Variants in PLCB1 observed in about 807,000 individuals in gnomAD.
PLCB1 encodes 1-phosphatidylinositol 4,5-bisphosphate phosphodiesterase beta-1.
A neutral mutation model predicts 161.8 loss-of-function variants in PLCB1; 46 were observed. The observed-to-expected ratio is 0.28, with a 90% confidence interval of 0.22 to 0.36. The LOEUF (loss-of-function observed/expected upper bound fraction) is 0.36, where lower values mean the gene tolerates loss of function less well. Ranked by LOEUF, PLCB1 falls within the 10% of genes least tolerant of loss-of-function variation. The pLI, the probability that PLCB1 is intolerant of heterozygous loss-of-function variation, is 1.00. For missense variants in PLCB1, 1,016 were observed against 1,472.5 expected (o/e 0.69, Z 5.07); for synonymous variants, 517 against 503.7 (o/e 1.03, Z -0.35).
At chr20:8,797,284 CTA>C (rs1421698193) in intron 31 of PLCB1, among the ~76,000 whole-genome samples, 4 of 151,030 alleles carry the variant, frequency 2.6e-5, no homozygotes, top group African/African-American at 9.7e-5. Context: ...TGCAGTTTTT[CTA>C]TAGTGTGTCT....
intron 3 of PLCB1, among the ~76,000 whole-genome samples, chr20:8,442,678 A>G (rs981885554): frequency 1.3e-5 from 2 of 152,226 alleles, no homozygotes; most frequent in Non-Finnish European, 2.9e-5. Context: ...GGTAATTCAG[A>G]TGGACATTTC....
intron 26 of PLCB1, 131 bp from the exon 27 acceptor site, chr20:8,774,408 A>G (rs1982842617): frequency 1.2e-6 from 1 of 822,912 alleles, no homozygotes; most frequent in Admixed American, 2.3e-5. Context: ...CTCACCCTCT[A>G]CCCCAAGTGG....
At chr20:8,522,612 C>G (rs1984398190) in intron 3 of PLCB1, among the ~76,000 whole-genome samples, 1 of 152,092 alleles carries the variant, frequency 6.6e-6, no homozygotes, top group South Asian at 2.1e-4. Flanking sequence ...GAAACAGTCT[C>G]CTGTGCAAAT....
chr20:8,571,882 A>G (rs1361226825), intron 3 of PLCB1, among the ~76,000 whole-genome samples: 3 of 152,214 alleles, frequency 2.0e-5, no homozygotes, highest in Non-Finnish European at 4.4e-5. Flanking sequence ...ACACTCCAAA[A>G]GTGAAACTGA....
intron 10 of PLCB1, among the ~76,000 whole-genome samples, chr20:8,693,445 C>T (rs1470537399): frequency 2.6e-5 from 4 of 152,120 alleles, no homozygotes; most frequent in South Asian, 2.1e-4. Context: ...AGGGTCAAGA[C>T]AAATAATACA....
At chr20:8,160,405 A>T (rs886365893) in intron 2 of PLCB1, among the ~76,000 whole-genome samples, 1 of 152,208 alleles carries the variant, frequency 6.6e-6, no homozygotes, top group Non-Finnish European at 1.5e-5. Flanking sequence ...GGCCGTTTTC[A>T]TGCCACTGAT....
At chr20:8,244,003 T>C (rs1360557897) in intron 2 of PLCB1, among the ~76,000 whole-genome samples, 1 of 151,830 alleles carries the variant, frequency 6.6e-6, no homozygotes, top group Non-Finnish European at 1.5e-5. Context: ...TCAGAGAATG[T>C]CATGGTGAAA....
intron 31 of PLCB1, among the ~76,000 whole-genome samples, chr20:8,815,450 C>T (rs78554120): frequency 0.029 from 4,387 of 152,232 alleles, 185 homozygotes; most frequent in African/African-American, 0.1. Flanking sequence ...CATCTTGCAA[C>T]GGTGGGATGA....
At chr20:8,880,072 G>A (rs1054077743) in intron 31 of PLCB1, among the ~76,000 whole-genome samples, 3 of 152,010 alleles carry the variant, frequency 2.0e-5, no homozygotes, top group African/African-American at 7.3e-5. Flanking sequence ...AATTCCAGAC[G>A]ATTTGTGTGC....
intron 19 of PLCB1, among the ~76,000 whole-genome samples, chr20:8,733,643 G>A (rs1326008492): frequency 6.0e-5 from 9 of 149,644 alleles, no homozygotes; most frequent in Admixed American, 3.3e-4. Context: ...CTGTTGTGGG[G>A]TGGGGGGAGC....
At chr20:8,202,438 T>C (rs1196422507) in intron 2 of PLCB1, among the ~76,000 whole-genome samples, 2 of 152,236 alleles carry the variant, frequency 1.3e-5, no homozygotes, top group African/African-American at 4.8e-5. Context: ...ATGTTGATAT[T>C]GTACCATTTG....
At chr20:8,801,996 A>T (rs1185415429) in intron 31 of PLCB1, 1 of 998,256 alleles carries the variant, frequency 1.0e-6, no homozygotes, top group Non-Finnish European at 1.6e-6. Context: ...GAAACACCAG[A>T]TGACTTAGAA....
At chr20:8,645,417 G>C (rs1237452203) in intron 4 of PLCB1, among the ~76,000 whole-genome samples, 2 of 152,216 alleles carry the variant, frequency 1.3e-5, no homozygotes, top group African/African-American at 4.8e-5. Flanking sequence ...GGAGAATTTT[G>C]TAGGGGTTTC....
At chr20:8,539,616 TTTTCTTTCTTTC>T (rs34024831) in intron 3 of PLCB1, among the ~76,000 whole-genome samples, 80 of 97,220 alleles carry the variant, frequency 8.2e-4, no homozygotes, top group East Asian at 1.7e-3. Context: ...CTTTTCTTTA[TTTTCTTTCTTTC>T]TTTCTTTCTT....
rs181354422 is a variant in PLCB1 at position 8,349,569 on chromosome 20, T to C, written c.178-21813T>C. Among the ~76,000 whole-genome samples the C allele has an allele frequency of 2.1e-3, 318 of 152,370 alleles. 2 individuals are homozygous for C. Among genetic ancestry groups the C allele is most frequent in the African/African-American group, 7.2e-3 (299 of 41,592 alleles). On this transcript the variant is annotated intron_variant, in intron 2 of 31. Coordinates refer to ENST00000338037, the MANE Select transcript of PLCB1 (RefSeq NM_015192.4). ...CTGAATAATTGCAGTATAGTAATTGTGTCTACAGAGGACATAAGCAAAGCA... is the reference window on the plus strand; with the variant it reads ...CTGAATAATTGCAGTATAGTAATTGCGTCTACAGAGGACATAAGCAAAGCA...
At position 8,328,161 on chromosome 20, in the gene PLCB1, C is replaced by T. The variant is rs537714234; in HGVS notation, c.178-43221C>T. Among the ~76,000 whole-genome samples, 243 of 152,178 alleles carry T rather than the reference C, an allele frequency of 1.6e-3. 1 individual carries two copies. Among genetic ancestry groups the T allele is most frequent in the Non-Finnish European group, 2.6e-3 (177 of 67,996 alleles). On this transcript the variant is annotated intron_variant, in intron 2 of 31. Transcript: ENST00000338037. ...GCATTTCTTTTGAGCATCATATTGG[C>T]ACTCAAAAAGTTTAGGATTTTAGAG...
chr20:8,508,507 T>C (rs1301022973), intron 3 of PLCB1, among the ~76,000 whole-genome samples: 1 of 152,220 alleles, frequency 6.6e-6, no homozygotes, highest in African/African-American at 2.4e-5. Flanking sequence ...AAGATGGCTG[T>C]ACGTACTATC....
At chr20:8,591,073 GT>G (rs745950681) in intron 3 of PLCB1, among the ~76,000 whole-genome samples, 1 of 152,134 alleles carries the variant, frequency 6.6e-6, no homozygotes, top group South Asian at 2.1e-4. Context: ...AACATGAGGC[GT>G]TTGGTTTTCT....
intron 3 of PLCB1, among the ~76,000 whole-genome samples, chr20:8,512,440 A>C (rs1178439429): frequency 6.6e-6 from 1 of 152,186 alleles, no homozygotes; most frequent in Non-Finnish European, 1.5e-5. Context: ...AACATTTTGT[A>C]ATATAAACCT....
Sources: allele counts gnomAD v4.1 joint callset (sites outside exome capture counted in the v4.1 genomes callset), GRCh38; gene constraint gnomAD v4.1.1; transcripts MANE v1.5; gene names NCBI Gene and HGNC (gene_info 2026-07-23, HGNC 2026-07-21).